Variants in TMEM178B observed in about 807,000 individuals in gnomAD.
TMEM178B encodes transmembrane protein 178B.
TMEM178B carries 5 observed loss-of-function variants against 31.0 expected under a neutral mutation model. The observed-to-expected ratio is 0.16, with a 90% CI of 0.08 to 0.34. The LOEUF is 0.34. Among genes scored for constraint, TMEM178B ranks in the 10% least tolerant of loss-of-function variants. The probability of loss-of-function intolerance (pLI) is 1.00; values close to 1 mark genes in which losing one functional copy is unlikely to be tolerated. For missense variants in TMEM178B, 275 were observed against 400.3 expected (o/e 0.69, Z 2.67); for synonymous variants, 164 against 164.0 (o/e 1.00, Z 0.00).
At chr7:141,310,785 C>A (rs2116457208) in intron 2 of TMEM178B, among the ~76,000 whole-genome samples, 1 of 152,300 alleles carries the variant, frequency 6.6e-6, no homozygotes, top group Non-Finnish European at 1.5e-5. Flanking sequence ...TTTGACCCAG[C>A]AATCCATTAC....
intron 1 of TMEM178B, among the ~76,000 whole-genome samples, chr7:141,081,453 G>A (rs1794683396): frequency 6.6e-6 from 1 of 152,054 alleles, no homozygotes; most frequent in Non-Finnish European, 1.5e-5. Context: ...TGGCCAACAT[G>A]GTGAAACCCC....
intron 3 of TMEM178B, among the ~76,000 whole-genome samples, chr7:141,438,506 C>T (rs564578414): frequency 1.3e-5 from 2 of 151,726 alleles, no homozygotes; most frequent in African/African-American, 4.8e-5. Context: ...TCACCATCTA[C>T]CCCTCAGACA....
chr7:141,404,925 A>G (rs1464140811), intron 2 of TMEM178B, among the ~76,000 whole-genome samples: 1 of 152,164 alleles, frequency 6.6e-6, no homozygotes, highest in African/African-American at 2.4e-5. Context: ...CCAGCACCCA[A>G]CAGCCCAAGG....
chr7:141,098,293 GTTC>G (rs1362012252), intron 1 of TMEM178B, among the ~76,000 whole-genome samples: 2 of 152,218 alleles, frequency 1.3e-5, no homozygotes, highest in Admixed American at 1.3e-4. Flanking sequence ...ATGGAAGAAT[GTTC>G]TTCTAACCAT....
intron 1 of TMEM178B, among the ~76,000 whole-genome samples, chr7:141,201,137 T>A (rs1796870545): frequency 6.6e-6 from 1 of 152,104 alleles, no homozygotes; most frequent in Non-Finnish European, 1.5e-5. Context: ...CTTAATAGCT[T>A]TGTTGGAGGA....
intron 1 of TMEM178B, among the ~76,000 whole-genome samples, chr7:141,103,694 T>A (rs1795095384): frequency 1.3e-5 from 2 of 152,206 alleles, no homozygotes; most frequent in East Asian, 3.8e-4. Context: ...GGAACAAAAT[T>A]TGACCTGGAA....
chr7:141,419,632 A>G (rs1586947916), intron 2 of TMEM178B, among the ~76,000 whole-genome samples: 1 of 152,326 alleles, frequency 6.6e-6, no homozygotes, highest in Non-Finnish European at 1.5e-5. Context: ...GTGGCTTGCC[A>G]TGGCCTTCGG....
intron 1 of TMEM178B, among the ~76,000 whole-genome samples, chr7:141,196,508 G>T (rs1214060854): frequency 6.6e-6 from 1 of 152,196 alleles, no homozygotes; most frequent in Non-Finnish European, 1.5e-5. Flanking sequence ...TTGCTGTTGT[G>T]ATTGGGAAGT....
At chr7:141,428,019 T>C (rs1250480865) in intron 2 of TMEM178B, among the ~76,000 whole-genome samples, 3 of 152,214 alleles carry the variant, frequency 2.0e-5, no homozygotes, top group African/African-American at 7.2e-5. Context: ...TAGGTAGACA[T>C]GACCAGAACA....
chr7:141,386,958 C>G (rs989567559), intron 2 of TMEM178B, among the ~76,000 whole-genome samples: 1 of 152,082 alleles, frequency 6.6e-6, no homozygotes, highest in Non-Finnish European at 1.5e-5. Context: ...TTTCAAAATC[C>G]CGGAAGAAAG....
intron 1 of TMEM178B, among the ~76,000 whole-genome samples, chr7:141,085,284 A>G (rs946942349): frequency 1.3e-5 from 2 of 148,796 alleles, no homozygotes; most frequent in African/African-American, 2.5e-5. Flanking sequence ...GGTGTGAGCC[A>G]CCATGCCTGG....
chr7:141,257,477 A>G (rs1282721486), intron 2 of TMEM178B, among the ~76,000 whole-genome samples: 2 of 152,218 alleles, frequency 1.3e-5, no homozygotes, highest in African/African-American at 4.8e-5. Context: ...TGACTGTTGG[A>G]ATATGTGGGG....
the TMEM178B span, among the ~76,000 whole-genome samples, chr7:141,510,241 GAAGAT>G: frequency 3.3e-4 from 50 of 152,276 alleles, no homozygotes; most frequent in African/African-American, 9.9e-4. Context: ...GGAGCTGTGA[GAAGAT>G]AAGATAACTC....
intron 2 of TMEM178B, among the ~76,000 whole-genome samples, chr7:141,213,751 C>T (rs146069360): frequency 9.2e-5 from 14 of 152,264 alleles, no homozygotes; most frequent in South Asian, 2.1e-4. Context: ...ACCACAGCTT[C>T]GGGTGGGAGT....
chr7:141,401,588 TA>T (rs67698557), intron 2 of TMEM178B, among the ~76,000 whole-genome samples: 4,239 of 151,696 alleles, frequency 0.028, 194 homozygotes, highest in African/African-American at 0.094. Context: ...GCTATTTTTT[TA>T]TTTTTTTATT....
the TMEM178B span, among the ~76,000 whole-genome samples, chr7:141,492,862 T>C: frequency 6.6e-6 from 1 of 152,190 alleles, no homozygotes; most frequent in East Asian, 1.9e-4. Context: ...CAAAAATGTA[T>C]TTTCCTTCTC....
At chr7:141,316,232 A>G (rs1162696609) in intron 2 of TMEM178B, among the ~76,000 whole-genome samples, 3 of 152,118 alleles carry the variant, frequency 2.0e-5, no homozygotes, top group Admixed American at 6.5e-5. Flanking sequence ...GGCTGGGCCT[A>G]TTTCTCTGCT....
chr7:141,107,716 A>G (rs1223470007), intron 1 of TMEM178B, among the ~76,000 whole-genome samples: 3 of 152,324 alleles, frequency 2.0e-5, no homozygotes, highest in East Asian at 3.9e-4. Context: ...AGGCACTTGG[A>G]TATATGTGTC....
chr7:141,375,807 G>A, intron 2 of TMEM178B, among the ~76,000 whole-genome samples: 1 of 152,202 alleles, frequency 6.6e-6, no homozygotes, highest in East Asian at 1.9e-4. Flanking sequence ...CTTACAAGGG[G>A]AGATCATTTT....
Sources: gnomAD v4.1 joint callset for allele counts (sites outside exome capture counted in the v4.1 genomes callset) on GRCh38, gnomAD v4.1.1 for gene constraint, MANE v1.5 for transcripts, NCBI Gene and HGNC (gene_info 2026-07-23, HGNC 2026-07-21) for gene names.